ADARB2: variants seen among roughly 807,000 people sequenced by gnomAD.
ADARB2 encodes the protein inactive double-stranded RNA-specific editase B2.
ADARB2 carries 25 observed loss-of-function variants against 62.2 expected under a neutral mutation model. The ratio of observed to expected loss-of-function variants is 0.40; its 90% confidence interval spans 0.29 to 0.56. The LOEUF is 0.56. ADARB2 is among the 20% of genes least tolerant of loss of function. The pLI is 0.43. For synonymous variants in ADARB2, 572 were observed against 500.8 expected, an observed-to-expected ratio of 1.14 and a Z score of -1.90; for missense variants, 1,071 against 1,077.4, an observed-to-expected ratio of 0.99 and a Z score of 0.08.
At chr10:1,711,804 C>G (rs1834951734) in intron 1 of ADARB2, among the ~76,000 whole-genome samples, 1 of 152,188 alleles carries the variant, frequency 6.6e-6, no homozygotes, top group Non-Finnish European at 1.5e-5. Flanking sequence ...ACAGCTTCCT[C>G]CTTTATAAGG....
intron 1 of ADARB2, among the ~76,000 whole-genome samples, chr10:1,566,063 C>CAAAAAAAAAAAAAAAAAA (rs376967105): frequency 1.6e-5 from 2 of 128,040 alleles, no homozygotes; most frequent in African/African-American, 6.0e-5. Flanking sequence ...CTCAGTCTAG[C>CAAAAAAAAAAAAAAAAAA]AAAAAAAAAA....
At chr10:1,494,872 A>G (rs1314828387) in intron 1 of ADARB2, among the ~76,000 whole-genome samples, 1 of 152,192 alleles carries the variant, frequency 6.6e-6, no homozygotes, top group Non-Finnish European at 1.5e-5. Context: ...CAGCTTCAGG[A>G]TGAACCATCA....
At chr10:1,244,538 A>G (rs548977288) in intron 4 of ADARB2, among the ~76,000 whole-genome samples, 1 of 152,296 alleles carries the variant, frequency 6.6e-6, no homozygotes, top group African/African-American at 2.4e-5. Context: ...AGACTCTGCC[A>G]CACTCAGCAC....
At chr10:1,267,221 T>C (rs928725531) in intron 4 of ADARB2, among the ~76,000 whole-genome samples, 2 of 151,742 alleles carry the variant, frequency 1.3e-5, no homozygotes, top group African/African-American at 2.4e-5. Context: ...GTCAGAAATA[T>C]TGGATAAAAG....
At chr10:1,532,427 A>T (rs921180922) in intron 1 of ADARB2, among the ~76,000 whole-genome samples, 2 of 152,170 alleles carry the variant, frequency 1.3e-5, no homozygotes, top group South Asian at 4.2e-4. Flanking sequence ...GTGTCTGTTC[A>T]TGGGGCCTTC....
intron 1 of ADARB2, among the ~76,000 whole-genome samples, chr10:1,664,118 G>A (rs575020383): frequency 1.3e-5 from 2 of 151,960 alleles, no homozygotes; most frequent in African/African-American, 2.4e-5. Context: ...GTGTGTGTCC[G>A]CGTTTCCATG....
intron 7 of ADARB2, among the ~76,000 whole-genome samples, chr10:1,213,579 C>T (rs1405530517): frequency 2.0e-5 from 3 of 152,238 alleles, no homozygotes; most frequent in Non-Finnish European, 4.4e-5. Flanking sequence ...GAGGACGCAA[C>T]TCTGTTCTAA....
intron 1 of ADARB2, among the ~76,000 whole-genome samples, chr10:1,434,538 G>A (rs924906142): frequency 6.6e-6 from 1 of 152,070 alleles, no homozygotes; most frequent in Non-Finnish European, 1.5e-5. Context: ...AGTTTTGCCC[G>A]GGCCTTTCCT....
chr10:1,598,108 G>C (rs1026330308), intron 1 of ADARB2, among the ~76,000 whole-genome samples: 14 of 152,222 alleles, frequency 9.2e-5, no homozygotes, highest in African/African-American at 3.4e-4. Flanking sequence ...GTAGACACTG[G>C]AGGCTCCACA....
intron 2 of ADARB2, among the ~76,000 whole-genome samples, chr10:1,364,441 G>A (rs1327559514): frequency 6.6e-6 from 1 of 152,212 alleles, no homozygotes; most frequent in African/African-American, 2.4e-5. Context: ...CTAGGAGCTG[G>A]CCCAGGTGAG....
At chr10:1,614,782 G>A (rs1833608694) in intron 1 of ADARB2, among the ~76,000 whole-genome samples, 1 of 152,116 alleles carries the variant, frequency 6.6e-6, no homozygotes, top group Non-Finnish European at 1.5e-5. Flanking sequence ...GTGGTGGCGG[G>A]CACCTGTAGT....
chr10:1,338,708 C>G (rs1421178342), intron 3 of ADARB2, among the ~76,000 whole-genome samples: 1 of 152,174 alleles, frequency 6.6e-6, no homozygotes, highest in African/African-American at 2.4e-5. Flanking sequence ...CTTAGGTCAC[C>G]CCCCGACATT....
chr10:1,611,917 G>A (rs1404942109), intron 1 of ADARB2, among the ~76,000 whole-genome samples: 1 of 152,108 alleles, frequency 6.6e-6, no homozygotes, highest in Non-Finnish European at 1.5e-5. Context: ...GGTGCAGCTG[G>A]GGCCTCTTCC....
In ADARB2 at chr10:1,446,562, G is replaced by A. The variant is rs190354957; in HGVS notation, c.101-67402C>T. On this transcript the variant is annotated intron_variant, in intron 1 of 9. Coordinates refer to ENST00000381312, the MANE Select transcript of ADARB2 (RefSeq NM_018702.4). ...GGCGGGGGCGAAGGCATGCAGGGAGGCGGTGCTGAAGCAGGAGACACGCTG... is the reference window on the plus strand; with the variant it reads ...GGCGGGGGCGAAGGCATGCAGGGAGACGGTGCTGAAGCAGGAGACACGCTG... Among the ~76,000 whole-genome samples the A allele has an allele frequency of 4.1e-4, 63 of 152,350 alleles. 1 individual carries two copies. The highest frequency in any genetic ancestry group is 1.5e-3 in the African/African-American group (63 of 41,580).
intron 1 of ADARB2, among the ~76,000 whole-genome samples, chr10:1,668,735 A>G (rs1026158165): frequency 2.6e-5 from 4 of 152,230 alleles, no homozygotes; most frequent in Non-Finnish European, 5.9e-5. Flanking sequence ...CTGGTCCCCA[A>G]GGAAAGATTG....
chr10:1,222,105 C>T (rs1447738829), intron 6 of ADARB2, among the ~76,000 whole-genome samples: 3 of 152,200 alleles, frequency 2.0e-5, no homozygotes, highest in Non-Finnish European at 4.4e-5. Flanking sequence ...TACTGATTGC[C>T]ATTCTAACTG....
intron 1 of ADARB2, among the ~76,000 whole-genome samples, chr10:1,613,114 CAG>C (rs1833591496): frequency 6.6e-6 from 1 of 152,192 alleles, no homozygotes. Flanking sequence ...ATCTGTCTGA[CAG>C]AGATAAAAGT....
At chr10:1,665,569 C>T (rs1834306028) in intron 1 of ADARB2, among the ~76,000 whole-genome samples, 1 of 152,390 alleles carries the variant, frequency 6.6e-6, no homozygotes, top group East Asian at 1.9e-4. Context: ...GCCCTGCATG[C>T]CGGGGTCCAG....
chr10:1,433,951 T>C (rs1003851183), intron 1 of ADARB2, among the ~76,000 whole-genome samples: 6 of 152,246 alleles, frequency 3.9e-5, no homozygotes, highest in African/African-American at 1.4e-4. Flanking sequence ...TAAATGTAAC[T>C]GAATGTGCAA....
Sources: allele counts gnomAD v4.1 joint callset (sites outside exome capture counted in the v4.1 genomes callset), GRCh38; gene constraint gnomAD v4.1.1; transcripts MANE v1.5; gene names NCBI Gene and HGNC (gene_info 2026-07-23, HGNC 2026-07-21).